AK8: variants seen among roughly 807,000 people sequenced by gnomAD.
AK8 encodes the protein adenylate kinase 8.
A neutral mutation model predicts 54.6 loss-of-function variants in AK8; 44 were observed. The observed-to-expected ratio is 0.81, with a 90% CI of 0.63 to 1.04. The LOEUF (loss-of-function observed/expected upper bound fraction) is 1.04, where lower values mean the gene tolerates loss of function less well. AK8 is among the 50% of genes least tolerant of loss of function. AK8 has a pLI of 0.00. For synonymous variants in AK8, 239 were observed against 245.6 expected (o/e 0.97, Z 0.25); for missense variants, 555 against 613.6 (o/e 0.90, Z 1.01).
intron 5 of AK8, among the ~76,000 whole-genome samples, chr9:132,829,815 C>T (rs1206085007): frequency 6.6e-6 from 1 of 151,966 alleles, no homozygotes; most frequent in Non-Finnish European, 1.5e-5. Flanking sequence ...CTCAGCCTCC[C>T]TAGTGCTGGG....
At chr9:132,737,081 G>A (rs1030996834) in intron 11 of AK8, among the ~76,000 whole-genome samples, 2 of 151,912 alleles carry the variant, frequency 1.3e-5, no homozygotes, top group Non-Finnish European at 2.9e-5. Context: ...CAATGTGAAG[G>A]TACTTAATGC....
chr9:132,792,111 G>A (rs1244720600), intron 11 of AK8, among the ~76,000 whole-genome samples: 1 of 152,170 alleles, frequency 6.6e-6, no homozygotes. Flanking sequence ...GCCTTTGCTT[G>A]CTTTCACTTT....
intron 5 of AK8, among the ~76,000 whole-genome samples, chr9:132,854,497 G>C (rs1215404811): frequency 1.3e-5 from 2 of 152,188 alleles, no homozygotes; most frequent in African/African-American, 4.8e-5. Context: ...GCGAGAGTCT[G>C]GGGTACCCCT....
Position 132,781,805 on chromosome 9 carries a change from G to A in AK8, c.1121+10829C>T, listed in dbSNP as rs1839482723. ...AGTCCTGATAGTCATCCTGGTGCTA[G>A]GTGGATTCATTTTAGAATATTTCTC... is the stretch of plus-strand genomic sequence containing the variant. On this transcript the variant is annotated intron_variant, in intron 11 of 12. Transcript: ENST00000298545. The surrounding 1 kb of genome is among the most constrained non-coding windows in gnomAD (Gnocchi z 4.6). 1.3e-5 allele frequency among the ~76,000 whole-genome samples: 2 copies of A among 152,174 alleles called. No homozygotes were observed. Among genetic ancestry groups the A allele is most frequent in the South Asian group, 4.1e-4 (2 of 4,826 alleles).
intron 3 of AK8, among the ~76,000 whole-genome samples, chr9:132,864,642 G>A (rs1843517478): frequency 6.6e-6 from 1 of 152,180 alleles, no homozygotes; most frequent in African/African-American, 2.4e-5. Flanking sequence ...GTCTCCAAAG[G>A]GCACTCAGGA....
intron 5 of AK8, among the ~76,000 whole-genome samples, chr9:132,850,009 AGTGCT>A (rs1842907465): frequency 6.6e-6 from 1 of 150,714 alleles, no homozygotes; most frequent in Admixed American, 6.6e-5. Context: ...AGCCTCCCAA[AGTGCT>A]GGGATTACAG....
chr9:132,784,727 T>G (rs1839620062), intron 11 of AK8, among the ~76,000 whole-genome samples: 1 of 152,020 alleles, frequency 6.6e-6, no homozygotes, highest in Non-Finnish European at 1.5e-5. Flanking sequence ...AGAAAGACAT[T>G]CTCAAGTATG....
chr9:132,827,768 C>T (rs2131305698), intron 7 of AK8: 1 of 511,472 alleles, frequency 2.0e-6, no homozygotes, highest in East Asian at 3.3e-5. Context: ...TGACCCCCCA[C>T]ACTCTATTCT....
At chr9:132,823,488 G>A (rs959048857) in intron 8 of AK8, 152 bp from the exon 9 acceptor site, 45 of 1,189,968 alleles carry the variant, frequency 3.8e-5, no homozygotes, top group Non-Finnish European at 4.8e-5. Flanking sequence ...CGAAGAGGCA[G>A]GGAAAAGAAT....
At chr9:132,779,581 A>G (rs895092461) in intron 11 of AK8, among the ~76,000 whole-genome samples, 3 of 152,218 alleles carry the variant, frequency 2.0e-5, no homozygotes, top group African/African-American at 2.4e-5. Context: ...TACTCTGGGC[A>G]CTCACGTGCA....
intron 10 of AK8, among the ~76,000 whole-genome samples, chr9:132,812,020 T>C (rs1841038347): frequency 1.3e-5 from 2 of 152,162 alleles, no homozygotes; most frequent in African/African-American, 2.4e-5. Context: ...ATCTGGTTAG[T>C]GGGGAATTAA....
At chr9:132,876,256 G>C (rs752400005) in intron 1 of AK8, among the ~76,000 whole-genome samples, 4 of 152,202 alleles carry the variant, frequency 2.6e-5, no homozygotes, top group Non-Finnish European at 5.9e-5. Flanking sequence ...TATGTCACTG[G>C]TGCGATGATG....
intron 11 of AK8, among the ~76,000 whole-genome samples, chr9:132,759,586 C>A (rs548689441): frequency 6.6e-6 from 1 of 152,308 alleles, no homozygotes; most frequent in African/African-American, 2.4e-5. Flanking sequence ...CACATTTAAG[C>A]TTTTAAACTA....
intron 10 of AK8, among the ~76,000 whole-genome samples, chr9:132,812,530 T>TGCCCACTGGGATGACGGGTTAGCCGCCGC (rs1841086880): frequency 7.7e-6 from 1 of 130,644 alleles, no homozygotes; most frequent in Non-Finnish European, 1.7e-5. Context: ...TGAGCTACCG[T>TGCCCACTGGGATGACGGGTTAGCCGCCGC]GCCCACTGGG....
At chr9:132,748,912 G>A (rs1240582596) in intron 11 of AK8, among the ~76,000 whole-genome samples, 1 of 151,818 alleles carries the variant, frequency 6.6e-6, no homozygotes, top group African/African-American at 2.4e-5. Flanking sequence ...TCTCACTCTT[G>A]ACCCCAGGCT....
intron 5 of AK8, among the ~76,000 whole-genome samples, chr9:132,838,641 T>C (rs1355300312): frequency 6.6e-6 from 1 of 152,144 alleles, no homozygotes; most frequent in Non-Finnish European, 1.5e-5. Context: ...TTCTAGAAGG[T>C]CAGTTTTTCT....
chr9:132,839,809 A>G (rs1196679672), intron 5 of AK8, among the ~76,000 whole-genome samples: 1 of 86,206 alleles, frequency 1.2e-5, no homozygotes, highest in Non-Finnish European at 2.1e-5. Flanking sequence ...TAAAGAAAAC[A>G]TTTTTTTTGC....
intron 11 of AK8, among the ~76,000 whole-genome samples, chr9:132,759,528 A>C (rs1309869270): frequency 6.6e-6 from 1 of 152,230 alleles, no homozygotes; most frequent in Non-Finnish European, 1.5e-5. Flanking sequence ...CAAGATCATA[A>C]GATAGTTTCG....
chr9:132,732,599 C>A (rs1425307548), intron 11 of AK8, among the ~76,000 whole-genome samples: 2 of 152,080 alleles, frequency 1.3e-5, no homozygotes, highest in Non-Finnish European at 2.9e-5. Context: ...AAATGAGCCT[C>A]ATTTCTGATG....
Sources: gnomAD v4.1 joint callset for allele counts (sites outside exome capture counted in the v4.1 genomes callset) on GRCh38, gnomAD v4.1.1 for gene constraint, Gnocchi (gnomAD v3.1) non-coding constraint, MANE v1.5 for transcripts, NCBI Gene and HGNC (gene_info 2026-07-23, HGNC 2026-07-21) for gene names.